RELN: variants seen among roughly 807,000 people sequenced by gnomAD.
RELN encodes the protein reelin.
RELN carries 108 observed loss-of-function variants against 427.6 expected under a neutral mutation model. The observed-to-expected ratio is 0.25, with a 90% CI of 0.22 to 0.30. The LOEUF (loss-of-function observed/expected upper bound fraction) is 0.30. RELN is among the 10% of genes least tolerant of loss of function. The probability of loss-of-function intolerance (pLI) is 1.00; values close to 1 mark genes in which losing one functional copy is unlikely to be tolerated. For synonymous variants in RELN, 1,524 were observed against 1,513.4 expected, an observed-to-expected ratio of 1.01 and a Z score of -0.16; for missense variants, 3,715 against 4,302.8, an observed-to-expected ratio of 0.86 and a Z score of 3.82.
intron 4 of RELN, among the ~76,000 whole-genome samples, chr7:103,754,181 A>C (rs1791074113): frequency 6.6e-6 from 1 of 152,196 alleles, no homozygotes; most frequent in East Asian, 1.9e-4. Flanking sequence ...TAGTACACAA[A>C]ATGTAAAATA....
intron 3 of RELN, among the ~76,000 whole-genome samples, chr7:103,797,120 T>A (rs1411678827): frequency 1.3e-5 from 2 of 152,026 alleles, no homozygotes; most frequent in East Asian, 3.9e-4. Flanking sequence ...AGCGTCGCTC[T>A]TGTCACCCAG....
intron 1 of RELN, among the ~76,000 whole-genome samples, chr7:103,933,525 G>A (rs893560594): frequency 1.3e-5 from 2 of 149,574 alleles, no homozygotes; most frequent in Non-Finnish European, 3.0e-5. Flanking sequence ...GAGGGGAAGA[G>A]AAGGGAGGGA....
chr7:103,669,305 T>C (rs894474363), intron 11 of RELN, among the ~76,000 whole-genome samples: 3 of 152,220 alleles, frequency 2.0e-5, no homozygotes, highest in Non-Finnish European at 4.4e-5. Context: ...ACAAGATTCA[T>C]GTTTTGCAAA....
intron 6 of RELN, among the ~76,000 whole-genome samples, chr7:103,744,004 T>C (rs954093212): frequency 3.3e-5 from 5 of 152,150 alleles, no homozygotes; most frequent in African/African-American, 1.2e-4. Context: ...ATTGACCACA[T>C]AGTTGGAAGT....
chr7:103,669,264 G>T (rs931078561), intron 11 of RELN, among the ~76,000 whole-genome samples: 5 of 152,160 alleles, frequency 3.3e-5, no homozygotes, highest in Non-Finnish European at 5.9e-5. Context: ...AAGAGAAAAA[G>T]GCAGAGATAA....
At chr7:103,986,303 AG>A (rs1302326950) in intron 1 of RELN, among the ~76,000 whole-genome samples, 1 of 152,236 alleles carries the variant, frequency 6.6e-6, no homozygotes, top group Non-Finnish European at 1.5e-5. Context: ...CACTATTTAT[AG>A]AGTTGCCAGT....
chr7:103,941,624 T>C (rs1413243441), intron 1 of RELN, among the ~76,000 whole-genome samples: 3 of 152,184 alleles, frequency 2.0e-5, no homozygotes, highest in Non-Finnish European at 4.4e-5. Flanking sequence ...TTTTAAATGT[T>C]CTAGAAAAAA....
chr7:103,554,527 G>A (rs936307636), intron 38 of RELN, among the ~76,000 whole-genome samples: 3 of 129,864 alleles, frequency 2.3e-5, no homozygotes, highest in Admixed American at 9.2e-5. Flanking sequence ...CCAAGATCAC[G>A]CCACTGCACT....
chr7:103,946,686 A>G (rs190967354), intron 1 of RELN, among the ~76,000 whole-genome samples: 7 of 152,324 alleles, frequency 4.6e-5, no homozygotes, highest in African/African-American at 1.7e-4. Context: ...TAGAGTTGCT[A>G]TATACTTTCT....
chr7:103,579,503 G>A (rs2117216969), intron 28 of RELN, among the ~76,000 whole-genome samples: 1 of 151,670 alleles, frequency 6.6e-6, no homozygotes, highest in East Asian at 1.9e-4. Flanking sequence ...GGAAGCTGAG[G>A]TGGGAGCATC....
chr7:103,884,904 C>A (rs1251640813), intron 2 of RELN, among the ~76,000 whole-genome samples: 1 of 152,102 alleles, frequency 6.6e-6, no homozygotes, highest in Non-Finnish European at 1.5e-5. Context: ...CCAGAAATAC[C>A]ATTTGACCCA....
Position 103,495,811 on chromosome 7 carries a change from T to C in RELN, c.9281A>G (p.Tyr3094Cys), listed in dbSNP as rs750252271. ...CTTGTCCTTCTTTTTATTTGGCCAATAGAGGTGAAAGGATGGATTGCCACA... is the reference window on the plus strand; with the variant it reads ...CTTGTCCTTCTTTTTATTTGGCCAACAGAGGTGAAAGGATGGATTGCCACA... ...GFCGNPSFHLYWPNKKKDKTH... is the reference protein window; with the variant it reads ...GFCGNPSFHLCWPNKKKDKTH... Residue 3094 changes from tyrosine to cysteine, a missense_variant, in exon 57 of 65, where the codon TAT (tyrosine) becomes TGT (cysteine). Physicochemically the swap from Tyr to Cys is radical, Grantham distance 194. Around this residue, in one of 4 missense-constraint regions of RELN, gnomAD observed 1,310 missense variants for 1,643.0 expected, o/e 0.80. Transcript: ENST00000428762. The C allele has an allele frequency of 3.1e-6, 5 of 1,611,702 alleles. No homozygotes were observed. The highest frequency in any genetic ancestry group is 2.2e-5 in the East Asian group (1 of 44,830).
chr7:103,725,296 T>C (rs1002724503), intron 7 of RELN, among the ~76,000 whole-genome samples: 14 of 152,182 alleles, frequency 9.2e-5, no homozygotes, highest in Non-Finnish European at 1.6e-4. Context: ...CTCATGCCTA[T>C]AATCCCAGCA....
rs139892362 is a variant in RELN, at chr7:103,553,694, C to T, written c.5935G>A (p.Gly1979Ser). 8.4e-5 allele frequency: 135 copies of T among 1,613,866 alleles called. No individual in the cohort carries two copies. Among genetic ancestry groups the T allele is most frequent in the Non-Finnish European group, 1.1e-4 (130 of 1,180,014 alleles). The change falls in exon 39 of 65, where the codon GGT (glycine) becomes AGT (serine). Residue 1979 changes from glycine (G) to serine (S), a missense_variant. Around this residue, in one of 4 missense-constraint regions of RELN, gnomAD observed 1,310 missense variants for 1,643.0 expected, o/e 0.80. Transcript: ENST00000428762. ...NWFFYPGGNI[G>S]LYCPYSSKGA... ...TTTGAAGAATATGGACAATAAAGAC[C>T]GATGTTACCACCAGGATAGAAAAAC...
chr7:103,795,761 G>C (rs1449156630), intron 3 of RELN, among the ~76,000 whole-genome samples: 1 of 152,138 alleles, frequency 6.6e-6, no homozygotes, highest in African/African-American at 2.4e-5. Flanking sequence ...CTAACAGCAG[G>C]AAAATAATGG....
chr7:103,976,612 C>T (rs1796884614), intron 1 of RELN, among the ~76,000 whole-genome samples: 1 of 152,144 alleles, frequency 6.6e-6, no homozygotes, highest in South Asian at 2.1e-4. Flanking sequence ...GAAGAAGCTG[C>T]TTTAGGAGAG....
intron 1 of RELN, among the ~76,000 whole-genome samples, chr7:103,958,867 C>A (rs1421519673): frequency 6.6e-6 from 1 of 152,154 alleles, no homozygotes; most frequent in African/African-American, 2.4e-5. Flanking sequence ...AGGTCTGAGG[C>A]TATTTCCTTT....
At chr7:103,694,826 G>GT (rs556518793) in intron 10 of RELN, among the ~76,000 whole-genome samples, 62,089 of 138,686 alleles carry the variant, frequency 0.45, 13,793 homozygotes, top group South Asian at 0.61. Context: ...TGCCTGGCTA[G>GT]TTTTTTTTTT....
intron 48 of RELN, 116 bp downstream of exon 48, chr7:103,521,906 C>T (rs1047272762): frequency 2.0e-6 from 2 of 1,010,806 alleles, no homozygotes; most frequent in African/African-American, 1.6e-5. Flanking sequence ...CAGGGTTGTA[C>T]ATTTAGGGTA....
Sources: allele counts gnomAD v4.1 joint callset (sites outside exome capture counted in the v4.1 genomes callset), GRCh38; gene constraint gnomAD v4.1.1; regional missense constraint gnomAD v4.1.1; transcripts MANE v1.5; gene names NCBI Gene and HGNC (gene_info 2026-07-23, HGNC 2026-07-21).